The following KSR2 variants were observed in gnomAD, a reference collection of about 807,000 sequenced individuals.
The protein encoded by KSR2 is kinase suppressor of ras 2.
In KSR2, 25 loss-of-function variants were observed where a neutral mutation model predicts 107.8. That is an observed-to-expected ratio of 0.23 (90% CI 0.17 to 0.32). KSR2 has a LOEUF of 0.32. KSR2 is among the 10% of genes least tolerant of loss of function. The pLI, the probability that KSR2 is intolerant of heterozygous loss-of-function variation, is 1.00. For synonymous variants in KSR2, 480 were observed against 507.0 expected, an observed-to-expected ratio of 0.95 and a Z score of 0.71; for missense variants, 887 against 1,268.9, an observed-to-expected ratio of 0.70 and a Z score of 4.57.
intron 1 of KSR2, among the ~76,000 whole-genome samples, chr12:117,905,968 C>CA (rs933453327): frequency 8.6e-5 from 13 of 151,636 alleles, no homozygotes; most frequent in Non-Finnish European, 1.5e-4. Flanking sequence ...TTCATTCATT[C>CA]ATTCATTCCA....
rs1222792154 is a variant in KSR2, at chr12:117,467,040, G to A, written c.*159C>T. On this transcript the variant is annotated 3_prime_UTR_variant, in exon 20 of 20. Coordinates refer to ENST00000339824, the MANE Select transcript of KSR2 (RefSeq NM_173598.6). ...GAGGAAAAGGGCTCAAGTCTGAGGT[G>A]CAGGGAGGCCGCCGAGCAGTTGTCC... The A allele has an allele frequency of 8.1e-6, 4 of 493,530 alleles. No individual in the cohort carries two copies. The highest frequency in any genetic ancestry group is 3.5e-5 in the South Asian group (1 of 28,512). The allele number at this position is 493,530 out of a possible 1,614,324, so 30.6% of individuals were successfully genotyped here. A position where few individuals can be genotyped will look rare whatever the true frequency, so the allele number is the denominator to read the frequency against.
chr12:117,672,024 G>A (rs1030777544), intron 4 of KSR2, among the ~76,000 whole-genome samples: 6 of 152,206 alleles, frequency 3.9e-5, no homozygotes, highest in African/African-American at 1.4e-4. Context: ...CTTAGCGCCT[G>A]GAACGCCAAC....
intron 4 of KSR2, among the ~76,000 whole-genome samples, chr12:117,715,562 G>A (rs977297140): frequency 6.6e-6 from 1 of 152,196 alleles, no homozygotes; most frequent in African/African-American, 2.4e-5. Context: ...CCATACAGTT[G>A]TTTAAAGAAG....
At chr12:117,530,374 A>G (rs1408212678) in intron 12 of KSR2, among the ~76,000 whole-genome samples, 3 of 152,226 alleles carry the variant, frequency 2.0e-5, no homozygotes, top group Non-Finnish European at 4.4e-5. Context: ...TTATGTTACA[A>G]CTACTCGATT....
At chr12:117,902,192 C>T (rs1018443944) in intron 1 of KSR2, among the ~76,000 whole-genome samples, 1 of 152,156 alleles carries the variant, frequency 6.6e-6, no homozygotes, top group Non-Finnish European at 1.5e-5. Context: ...GATGTGGTGG[C>T]TCACACCTGT....
chr12:117,827,933 A>ATG (rs1387138936), intron 3 of KSR2, among the ~76,000 whole-genome samples: 4 of 152,202 alleles, frequency 2.6e-5, no homozygotes, highest in Non-Finnish European at 5.9e-5. Flanking sequence ...CATTATTCTT[A>ATG]TGTATGACCC....
At chr12:117,581,679 G>A (rs1445401980) in intron 6 of KSR2, among the ~76,000 whole-genome samples, 1 of 152,172 alleles carries the variant, frequency 6.6e-6, no homozygotes, top group East Asian at 1.9e-4. Context: ...TATAAGGGAT[G>A]CCTGGTATAT....
chr12:117,543,839 T>A (rs540472077), intron 9 of KSR2, among the ~76,000 whole-genome samples: 1 of 152,322 alleles, frequency 6.6e-6, no homozygotes, highest in East Asian at 1.9e-4. Flanking sequence ...TTAGGTAGAA[T>A]CCTTCTTTGC....
At chr12:117,474,977 A>C (rs1683487115) in intron 17 of KSR2, among the ~76,000 whole-genome samples, 1 of 152,100 alleles carries the variant, frequency 6.6e-6, no homozygotes, top group Non-Finnish European at 1.5e-5. Context: ...GGCACCACCC[A>C]AATTCAATCC....
At chr12:117,566,093 A>AT (rs34703705) in intron 7 of KSR2, among the ~76,000 whole-genome samples, 94 of 150,256 alleles carry the variant, frequency 6.3e-4, no homozygotes, top group African/African-American at 1.9e-3. Flanking sequence ...CCCAGTAGTT[A>AT]TTTTTTTTTT....
At chr12:117,954,738 G>A (rs547678416) in intron 1 of KSR2, among the ~76,000 whole-genome samples, 13 of 152,240 alleles carry the variant, frequency 8.5e-5, no homozygotes, top group Admixed American at 5.2e-4. Flanking sequence ...ATTTGTGGCC[G>A]GGCACAGTGG....
At chr12:117,929,167 A>ATATTTGAAAGG (rs1389194316) in intron 1 of KSR2, among the ~76,000 whole-genome samples, 69 of 152,284 alleles carry the variant, frequency 4.5e-4, no homozygotes, top group African/African-American at 1.6e-3. Flanking sequence ...TATTTGTAGG[A>ATATTTGAAAGG]ATATACTCTA....
rs73210189 is a variant in KSR2 at position 117,555,976 on chromosome 12, T to C, written c.1394-683A>G. Among the ~76,000 whole-genome samples the C allele has an allele frequency of 4.3e-3, 650 of 152,232 alleles. 2 individuals carry two copies. Among genetic ancestry groups the C allele is most frequent in the Admixed American group, 0.011 (165 of 15,284 alleles). On this transcript the variant is annotated intron_variant, in intron 8 of 19. Transcript: ENST00000339824. ...TAGCTGTTGTTGTTGTTGTTGTTGT[T>C]GTTGTTTTATTGCAGCGGTGAGGGG...
rs540005243 is a variant in KSR2, at chr12:117,792,065, A to C, written c.473-30541T>G. 2.0e-5 allele frequency among the ~76,000 whole-genome samples: 3 copies of C among 152,282 alleles called. No individual in the cohort carries two copies. In the East Asian group the frequency reaches 5.8e-4, roughly 29 times the overall value. ...AAGCATTGCGGTTTTGGCCAAGCGCAGTGGCTCATGCCTGTAATCCCAGCA... is the reference window on the plus strand; with the variant it reads ...AAGCATTGCGGTTTTGGCCAAGCGCCGTGGCTCATGCCTGTAATCCCAGCA... On this transcript the variant is annotated intron_variant, in intron 3 of 19. Transcript: ENST00000339824.
rs7309205 is a variant in KSR2, at chr12:117,968,307, A to T, written c.-52T>A. The T allele has an allele frequency of 4.2e-4, 557 of 1,325,562 alleles. 32 individuals are homozygous for T. The highest frequency in any genetic ancestry group is 6.5e-4 in the African/African-American group (42 of 64,884). The allele number at this position is 1,325,562 out of a possible 1,614,324, so 82.1% of individuals were successfully genotyped here. On this transcript the variant is annotated 5_prime_UTR_variant, in exon 1 of 20. Coordinates refer to ENST00000339824, the MANE Select transcript of KSR2 (RefSeq NM_173598.6). ...CCTCCTCCTCCCAGAGAGAAAAAAGAGGGGGGGGAGTAGAGGTAGTCTACC... is the reference window on the plus strand; with the variant it reads ...CCTCCTCCTCCCAGAGAGAAAAAAGTGGGGGGGGAGTAGAGGTAGTCTACC...
At position 117,968,095 on chromosome 12, in the gene KSR2, T is replaced by C. The variant is rs1168868844; in HGVS notation, c.161A>G (p.Lys54Arg). 2 of 1,606,854 alleles carry C rather than the reference T, an allele frequency of 1.2e-6. No individual in the cohort carries two copies. The highest frequency in any genetic ancestry group is 3.4e-5 in the Admixed American group (2 of 58,794). ...ACCTACCTCCAGGGTCCGGATTTCT[T>C]TTTGTGTGAGGTCGTTGGAGGTAGC... ...KCATSNDLTQ[K>R]EIRTLESKLV... Residue 54 changes from lysine to arginine, a missense_variant, in exon 1 of 20, where the codon AAA becomes AGA. Around this residue, in one of 8 missense-constraint regions of KSR2, gnomAD observed 21 missense variants for 57.8 expected, o/e 0.36. Transcript: ENST00000339824.
chr12:117,766,771 A>T (rs1423429509), intron 3 of KSR2, among the ~76,000 whole-genome samples: 1 of 151,698 alleles, frequency 6.6e-6, no homozygotes, highest in East Asian at 2.0e-4. Context: ...GGTGGGTGAC[A>T]GCAGAAGGAT....
rs183228224 is a variant in KSR2, at chr12:117,467,083, C to T, written c.*116G>A. On this transcript the variant is annotated 3_prime_UTR_variant, in exon 20 of 20. Transcript: ENST00000339824. ...AGTTGTCCAGTGCTCCCAGGTCGGT[C>T]GGGGTTGGTACCCTCTGATGCTGAG... 5 of 510,722 alleles carry T rather than the reference C, an allele frequency of 9.8e-6. No homozygotes were observed. The highest frequency in any genetic ancestry group is 4.0e-5 in the African/African-American group (2 of 50,430). The allele number at this position is 510,722 out of a possible 1,614,324, so 31.6% of individuals were successfully genotyped here. A position where few individuals can be genotyped will look rare whatever the true frequency, so the allele number is the denominator to read the frequency against.
chr12:117,571,183 G>A (rs892902307), intron 7 of KSR2, among the ~76,000 whole-genome samples: 4 of 152,060 alleles, frequency 2.6e-5, no homozygotes, highest in African/African-American at 9.7e-5. Context: ...GCTTGAATCC[G>A]GGTGGTCGAG....
Sources: gnomAD v4.1 joint callset for allele counts (sites outside exome capture counted in the v4.1 genomes callset) on GRCh38, gnomAD v4.1.1 for gene constraint, gnomAD v4.1.1 regional missense constraint, MANE v1.5 for transcripts, NCBI Gene and HGNC (gene_info 2026-07-23, HGNC 2026-07-21) for gene names.